LRRFIP1: variants seen among roughly 807,000 people sequenced by gnomAD.
The protein encoded by LRRFIP1 is LRR binding FLII interacting protein 1.
A neutral mutation model predicts 104.4 loss-of-function variants in LRRFIP1; 62 were observed. The ratio of observed to expected loss-of-function variants is 0.59; its 90% CI spans 0.48 to 0.73. The LOEUF (loss-of-function observed/expected upper bound fraction) is 0.73. LRRFIP1 is among the 30% of genes least tolerant of loss of function. The pLI, the probability that LRRFIP1 is intolerant of heterozygous loss-of-function variation, is 0.00. For missense variants in LRRFIP1, 796 were observed against 824.5 expected, an observed-to-expected ratio of 0.97 and a Z score of 0.42; for synonymous variants, 300 against 299.0, an observed-to-expected ratio of 1.00 and a Z score of -0.03.
At chr2:237,673,218 T>TA (rs1467445448) in intron 1 of LRRFIP1, among the ~76,000 whole-genome samples, 1 of 152,206 alleles carries the variant, frequency 6.6e-6, no homozygotes, top group East Asian at 1.9e-4. Context: ...TCCAAGGCTC[T>TA]AAGTCACCAC....
Position 237,692,201 on chromosome 2 carries a change from C to T in LRRFIP1, c.97-16343C>T, listed in dbSNP as rs937183097. 11 of 1,061,426 alleles carry T rather than the reference C, an allele frequency of 1.0e-5. 1 individual carries two copies. The highest frequency in any genetic ancestry group is 8.5e-4 in the Middle Eastern group (2 of 2,340). 65.8% of individuals were successfully genotyped at this position (1,061,426 alleles called of 1,614,324 possible). On this transcript the variant is annotated intron_variant, in intron 1 of 23. Transcript: ENST00000308482. ...CGGAGGCGCCCGAGTCCCGCTTCCC[C>T]GGCGCCCTTCCACCCCGAGCCCGAC...
At chr2:237,692,867 C>G (rs1388641388) in intron 1 of LRRFIP1, among the ~76,000 whole-genome samples, 1 of 152,260 alleles carries the variant, frequency 6.6e-6, no homozygotes, top group Non-Finnish European at 1.5e-5. Flanking sequence ...TGCTATTTTA[C>G]AAAATACAGC....
rs1356154835 is a variant in LRRFIP1, at chr2:237,691,192, G to A, written c.97-17352G>A. Among the ~76,000 whole-genome samples the A allele has an allele frequency of 6.6e-6, 1 of 152,204 alleles. No homozygotes were observed. The highest frequency in any genetic ancestry group is 1.5e-5 in the Non-Finnish European group (1 of 68,034). Reference sequence around the variant, plus strand: ...TGCTTTAAATTTTACATTTCCTGGCGTGGCCAGGACAGGCTGACCTTCCGA... The same window carrying A: ...TGCTTTAAATTTTACATTTCCTGGCATGGCCAGGACAGGCTGACCTTCCGA... On this transcript the variant is annotated intron_variant, in intron 1 of 23. Coordinates refer to ENST00000308482, the MANE Select transcript of LRRFIP1 (RefSeq NM_001137550.2). The surrounding 1 kb of genome is among the most constrained non-coding windows in gnomAD (Gnocchi z 5.4).
chr2:237,737,756 T>C (rs1483739415), intron 10 of LRRFIP1, among the ~76,000 whole-genome samples: 3 of 152,236 alleles, frequency 2.0e-5, no homozygotes, highest in Non-Finnish European at 4.4e-5. Flanking sequence ...AGGCTAGTAA[T>C]ACTGGTGATT....
At chr2:237,743,098 G>C (rs1315233431) in intron 11 of LRRFIP1, among the ~76,000 whole-genome samples, 1 of 152,142 alleles carries the variant, frequency 6.6e-6, no homozygotes, top group African/African-American at 2.4e-5. Flanking sequence ...GGATACAGTT[G>C]TTGTAGCGAG....
chr2:237,757,553 G>A lies in LRRFIP1; in HGVS notation c.1224+5G>A. 3 of 1,560,664 alleles carry A rather than the reference G, an allele frequency of 1.9e-6. No individual in the cohort carries two copies. The highest frequency in any genetic ancestry group is 2.6e-6 in the Non-Finnish European group (3 of 1,148,944). ...TGGAAAGACAAAAAGATAGGGGTAGGATTCCCAAGTCTTGAAAATCTACTC... is the reference window on the plus strand; with the variant it reads ...TGGAAAGACAAAAAGATAGGGGTAGAATTCCCAAGTCTTGAAAATCTACTC... On this transcript the variant is annotated splice_donor_5th_base_variant and intron_variant, in intron 17 of 23. Coordinates refer to ENST00000308482, the MANE Select transcript of LRRFIP1 (RefSeq NM_001137550.2).
At chr2:237,635,711 G>T (rs2082982296) in intron 1 of LRRFIP1, among the ~76,000 whole-genome samples, 1 of 152,042 alleles carries the variant, frequency 6.6e-6, no homozygotes, top group Non-Finnish European at 1.5e-5. Flanking sequence ...TGTAGTCCTA[G>T]CTATTTGGGA....
chr2:237,737,883 T>C (rs1321909648), intron 10 of LRRFIP1, among the ~76,000 whole-genome samples: 1 of 152,262 alleles, frequency 6.6e-6, no homozygotes, highest in Non-Finnish European at 1.5e-5. Flanking sequence ...AGTAAACATT[T>C]ATCAAATAAA....
intron 1 of LRRFIP1, among the ~76,000 whole-genome samples, chr2:237,633,542 C>T (rs1319889357): frequency 6.9e-6 from 1 of 145,396 alleles, no homozygotes. Flanking sequence ...GACCTGGCTT[C>T]TAGCCCTGCC....
intron 20 of LRRFIP1, among the ~76,000 whole-genome samples, chr2:237,771,330 T>G (rs1018904709): frequency 1.3e-5 from 2 of 150,360 alleles, no homozygotes; most frequent in East Asian, 3.9e-4. Flanking sequence ...ACCCATAAAT[T>G]CCGCAAAGTT....
At chr2:237,754,019 T>C (rs1275369654) in intron 15 of LRRFIP1, among the ~76,000 whole-genome samples, 1 of 152,160 alleles carries the variant, frequency 6.6e-6, no homozygotes, top group East Asian at 1.9e-4. Context: ...ATACGTATAA[T>C]TTCAACATGT....
intron 19 of LRRFIP1, among the ~76,000 whole-genome samples, chr2:237,761,490 A>G (rs538470194): frequency 6.6e-6 from 1 of 152,396 alleles, no homozygotes; most frequent in Admixed American, 6.5e-5. Context: ...TACACATTTT[A>G]TAAATCTTTG....
chr2:237,746,068 T>A (rs879561770), intron 11 of LRRFIP1, among the ~76,000 whole-genome samples: 3,014 of 150,780 alleles, frequency 0.02, 42 homozygotes, highest in Non-Finnish European at 0.032. Flanking sequence ...ATTTATTTTT[T>A]TTTTTTTTGA....
intron 1 of LRRFIP1, among the ~76,000 whole-genome samples, chr2:237,676,942 G>A (rs2091236656): frequency 6.6e-6 from 1 of 152,174 alleles, no homozygotes; most frequent in Non-Finnish European, 1.5e-5. Flanking sequence ...TGTTTTCTGG[G>A]GAAACTCTGC....
chr2:237,644,530 C>T (rs150825206), intron 1 of LRRFIP1, among the ~76,000 whole-genome samples: 119 of 152,218 alleles, frequency 7.8e-4, no homozygotes, highest in African/African-American at 2.5e-3. Flanking sequence ...GGGTTAGAGG[C>T]GGGTGGCAGG....
chr2:237,730,325 A>T (rs1275043421), intron 8 of LRRFIP1, among the ~76,000 whole-genome samples: 3 of 152,212 alleles, frequency 2.0e-5, no homozygotes, highest in Non-Finnish European at 4.4e-5. Flanking sequence ...CTCTACAAAC[A>T]TGCATCGGTC....
At chr2:237,756,592 G>C (rs1188694767) in intron 16 of LRRFIP1, among the ~76,000 whole-genome samples, 1 of 152,102 alleles carries the variant, frequency 6.6e-6, no homozygotes, top group Non-Finnish European at 1.5e-5. Flanking sequence ...GAATTTAGAG[G>C]GACACAATTC....
At chr2:237,761,761 C>G (rs577130608) in intron 19 of LRRFIP1, among the ~76,000 whole-genome samples, 24 of 152,292 alleles carry the variant, frequency 1.6e-4, no homozygotes, top group African/African-American at 5.8e-4. Context: ...TATGGGCACC[C>G]CACCATGGAG....
At chr2:237,749,122 G>T in intron 12 of LRRFIP1, 77 bp from the exon 13 acceptor site, 2 of 1,478,620 alleles carry the variant, frequency 1.4e-6, no homozygotes, top group East Asian at 2.4e-5. Context: ...GGATTATGGG[G>T]ATTACAATTC....
Sources: gnomAD v4.1 joint callset for allele counts (sites outside exome capture counted in the v4.1 genomes callset) on GRCh38, gnomAD v4.1.1 for gene constraint, Gnocchi (gnomAD v3.1) non-coding constraint, MANE v1.5 for transcripts, NCBI Gene and HGNC (gene_info 2026-07-23, HGNC 2026-07-21) for gene names.